Variants in ANKFN1 observed in about 807,000 individuals in gnomAD.
ANKFN1 encodes ankyrin repeat and fibronectin type III domain containing 1.
In ANKFN1, 74 loss-of-function variants were observed where a neutral mutation model predicts 108.7. The observed-to-expected ratio is 0.68, with a 90% CI of 0.56 to 0.83. ANKFN1 has a LOEUF of 0.83. Among genes scored for constraint, ANKFN1 ranks in the 40% least tolerant of loss-of-function variants. ANKFN1 has a pLI of 0.00. For synonymous variants in ANKFN1, 547 were observed against 516.2 expected, an observed-to-expected ratio of 1.06 and a Z score of -0.81; for missense variants, 1,505 against 1,382.3, an observed-to-expected ratio of 1.09 and a Z score of -1.41.
chr17:56,370,392 C>T (rs1262232571), intron 6 of ANKFN1, among the ~76,000 whole-genome samples: 1 of 152,096 alleles, frequency 6.6e-6, no homozygotes, highest in Admixed American at 6.6e-5. Flanking sequence ...ATCTGAAATG[C>T]CACCTGGAAT....
At chr17:56,184,021 A>G (rs1911944003) in intron 1 of ANKFN1, among the ~76,000 whole-genome samples, 1 of 152,210 alleles carries the variant, frequency 6.6e-6, no homozygotes, top group African/African-American at 2.4e-5. Context: ...CTCTTTGGTG[A>G]ATATGCTGTG....
At chr17:56,456,182 G>T (rs1034249356) in intron 11 of ANKFN1, among the ~76,000 whole-genome samples, 21 of 152,308 alleles carry the variant, frequency 1.4e-4, no homozygotes, top group African/African-American at 4.8e-4. Flanking sequence ...ATGAATGTTA[G>T]AAGGCAATTG....
In ANKFN1 at chr17:56,510,765, A is replaced by T; in HGVS notation, c.2937A>T (p.Thr979=). The change falls in exon 21 of 21, where the codon ACA becomes ACT. Residue 979 remains threonine (T), a synonymous_variant. Transcript: ENST00000682825. ...ATAGCCTGACCCTCACGGGGTTCAC[A>T]CCCAAGAACCACGCCAAGACTGTGT... ...FLHSLTLTGF[T]PKNHAKTVSG... is the part of the protein sequence containing the mutation. 1 of 1,535,788 alleles carries T rather than the reference A, an allele frequency of 6.5e-7. No individual in the cohort carries two copies. The highest frequency in any genetic ancestry group is 8.7e-7 in the Non-Finnish European group (1 of 1,146,826).
At chr17:56,388,688 A>T (rs1334120711) in intron 8 of ANKFN1, among the ~76,000 whole-genome samples, 2 of 152,006 alleles carry the variant, frequency 1.3e-5, no homozygotes, top group Non-Finnish European at 2.9e-5. Flanking sequence ...TACTTTATTT[A>T]CAATCAACAT....
At chr17:56,445,533 G>A (rs995869192) in intron 10 of ANKFN1, among the ~76,000 whole-genome samples, 11 of 152,164 alleles carry the variant, frequency 7.2e-5, no homozygotes, top group African/African-American at 2.7e-4. Flanking sequence ...TCCTAACGTG[G>A]TTATAGTTGT....
chr17:56,181,646 T>C (rs546444332), intron 1 of ANKFN1, among the ~76,000 whole-genome samples: 2 of 152,340 alleles, frequency 1.3e-5, no homozygotes, highest in Admixed American at 1.3e-4. Context: ...TTATTGCCTA[T>C]TGTTTTCTTT....
chr17:56,510,618 C>A lies in ANKFN1; in HGVS notation c.2790C>A (p.Ser930Arg), dbSNP rs890565258. ...ACGACATTGCGCAGCAGACCCTTAGCGGCCTAAGCGGCAGCGCCCCCGACG... is the reference window on the plus strand; with the variant it reads ...ACGACATTGCGCAGCAGACCCTTAGAGGCCTAAGCGGCAGCGCCCCCGACG... ...SSHDIAQQTL[S>R]GLSGSAPDVL... is the part of the protein sequence containing the mutation. The change falls in exon 21 of 21, where the codon AGC (serine) becomes AGA (arginine). Residue 930 changes from serine (S) to arginine (R), a missense_variant. Coordinates refer to ENST00000682825, the MANE Select transcript of ANKFN1 (RefSeq NM_001370326.1). The A allele has an allele frequency of 6.5e-7, 1 of 1,536,160 alleles. No homozygotes were observed. Among genetic ancestry groups the A allele is most frequent in the Admixed American group, 2.0e-5 (1 of 51,012 alleles).
At chr17:56,055,582 T>TATATATATATATACACACAC (rs1904859674) in intron 4 of ANKFN1, among the ~76,000 whole-genome samples, 1 of 112,518 alleles carries the variant, frequency 8.9e-6, no homozygotes, top group African/African-American at 4.5e-5. Flanking sequence ...TATATATATA[T>TATATATATATATACACACAC]ATATATGTAT....
At chr17:56,090,629 T>C (rs1046216516) in intron 4 of ANKFN1, among the ~76,000 whole-genome samples, 1 of 151,218 alleles carries the variant, frequency 6.6e-6, no homozygotes, top group East Asian at 1.9e-4. Context: ...TTTTTTCAGA[T>C]GGGGTCTCAC....
At chr17:56,237,755 T>C (rs1917264121) in intron 3 of ANKFN1, among the ~76,000 whole-genome samples, 1 of 152,098 alleles carries the variant, frequency 6.6e-6, no homozygotes, top group African/African-American at 2.4e-5. Flanking sequence ...GGAATGGTTT[T>C]TTTTTGTGTC....
intron 1 of ANKFN1, among the ~76,000 whole-genome samples, chr17:56,196,139 G>A (rs1228299637): frequency 3.3e-5 from 5 of 151,936 alleles, no homozygotes; most frequent in Admixed American, 6.6e-5. Flanking sequence ...ATGGTGGCTC[G>A]TGCCTGTAGT....
chr17:56,162,107 G>A (rs560531640), intron 1 of ANKFN1, among the ~76,000 whole-genome samples: 1 of 152,250 alleles, frequency 6.6e-6, no homozygotes, highest in South Asian at 2.1e-4. Context: ...TCAGGGCAGG[G>A]GGTCTTATTT....
intron 1 of ANKFN1, among the ~76,000 whole-genome samples, chr17:56,197,470 T>C (rs1360241529): frequency 6.6e-6 from 1 of 152,178 alleles, no homozygotes; most frequent in Non-Finnish European, 1.5e-5. Flanking sequence ...GATGGAGGTG[T>C]CCCTAGTGTA....
chr17:56,460,296 T>C (rs1170272747), intron 14 of ANKFN1, among the ~76,000 whole-genome samples: 25 of 151,834 alleles, frequency 1.6e-4, no homozygotes, highest in Non-Finnish European at 5.9e-5. Flanking sequence ...CTACCAAAAA[T>C]ACAAAAATTA....
At chr17:56,176,726 C>T (rs1007622152) in intron 1 of ANKFN1, among the ~76,000 whole-genome samples, 1 of 152,184 alleles carries the variant, frequency 6.6e-6, no homozygotes, top group Non-Finnish European at 1.5e-5. Flanking sequence ...TAGGAAAACA[C>T]TTCTTTGAGG....
At chr17:56,148,461 A>G (rs1310279819) in intron 4 of ANKFN1, among the ~76,000 whole-genome samples, 1 of 152,218 alleles carries the variant, frequency 6.6e-6, no homozygotes, top group African/African-American at 2.4e-5. Context: ...GACAATTCAC[A>G]TGTTTCCGCT....
intron 6 of ANKFN1, among the ~76,000 whole-genome samples, chr17:56,358,028 T>G (rs2046419618): frequency 6.6e-6 from 1 of 152,186 alleles, no homozygotes; most frequent in East Asian, 1.9e-4. Flanking sequence ...ATTGCCTTGG[T>G]GTTTGTGAGA....
chr17:56,199,157 G>A (rs1598222025), intron 1 of ANKFN1, among the ~76,000 whole-genome samples: 2 of 150,204 alleles, frequency 1.3e-5, no homozygotes, highest in Admixed American at 6.6e-5. Flanking sequence ...TTTCCTATAA[G>A]TCCTGCACAT....
At chr17:56,089,077 A>G (rs536199124) in intron 4 of ANKFN1, among the ~76,000 whole-genome samples, 2 of 151,346 alleles carry the variant, frequency 1.3e-5, no homozygotes, top group Non-Finnish European at 3.0e-5. Flanking sequence ...AAAAGTTTGC[A>G]TTTGTATGAA....
Sources: gnomAD v4.1 joint callset for allele counts (sites outside exome capture counted in the v4.1 genomes callset) on GRCh38, gnomAD v4.1.1 for gene constraint, MANE v1.5 for transcripts, NCBI Gene and HGNC (gene_info 2026-07-23, HGNC 2026-07-21) for gene names.